Variants in EVA1C observed in about 807,000 individuals in gnomAD.
The protein encoded by EVA1C is protein eva-1 homolog C.
In EVA1C, 25 loss-of-function variants were observed where a neutral mutation model predicts 45.4. That is an observed-to-expected ratio of 0.55 (90% confidence interval 0.40 to 0.77). The LOEUF is 0.77. EVA1C is among the 30% of genes least tolerant of loss of function. The pLI is 0.00. For synonymous variants in EVA1C, 190 were observed against 221.2 expected, an observed-to-expected ratio of 0.86 and a Z score of 1.25; for missense variants, 479 against 554.8, an observed-to-expected ratio of 0.86 and a Z score of 1.37.
At position 32,503,872 on chromosome 21, in the gene EVA1C, T is replaced by A; in HGVS notation, c.860-54T>A. ...TAGGAGCAGCAGGGGTGTCTTAGAA[T>A]AGGCGTACTATGAACAGCTGTGATT... On this transcript the variant is annotated intron_variant, in intron 6 of 7. Transcript: ENST00000300255. The A allele has an allele frequency of 2.3e-6, 3 of 1,277,804 alleles. No homozygotes were observed. The East Asian group carries it at 7.2e-5, about 31-fold the overall frequency. The allele number at this position is 1,277,804 out of a possible 1,614,324, so 79.2% of individuals were successfully genotyped here.
intron 7 of EVA1C, among the ~76,000 whole-genome samples, chr21:32,505,803 A>G (rs549102227): frequency 4.6e-5 from 7 of 152,244 alleles, no homozygotes; most frequent in Admixed American, 3.9e-4. Flanking sequence ...CACCAATTCT[A>G]TCAGATTAGG....
intron 2 of EVA1C, among the ~76,000 whole-genome samples, chr21:32,457,211 T>G (rs139038958): frequency 6.6e-6 from 1 of 152,322 alleles, no homozygotes; most frequent in Non-Finnish European, 1.5e-5. Context: ...TCTCTCAGCT[T>G]AAAGCTAGGG....
intron 5 of EVA1C, among the ~76,000 whole-genome samples, chr21:32,498,176 G>A (rs2037413366): frequency 1.3e-5 from 2 of 152,218 alleles, no homozygotes; most frequent in African/African-American, 4.8e-5. Flanking sequence ...GCCAGGTGCG[G>A]TGGCTCACGC....
At chr21:32,506,379 A>AAATAT (rs1278020447) in intron 7 of EVA1C, among the ~76,000 whole-genome samples, 1 of 150,744 alleles carries the variant, frequency 6.6e-6, no homozygotes, top group Non-Finnish European at 1.5e-5. Flanking sequence ...TATTTATAAG[A>AAATAT]TGTCCATTTT....
chr21:32,463,253 G>A (rs879709821), intron 3 of EVA1C, among the ~76,000 whole-genome samples: 12 of 152,266 alleles, frequency 7.9e-5, no homozygotes, highest in Non-Finnish European at 1.5e-4. Flanking sequence ...CAGAGTCGTG[G>A]TTCTACCTTC....
At chr21:32,433,425 C>T (rs1157604137) in intron 1 of EVA1C, 1 of 152,520 alleles carries the variant, frequency 6.6e-6, no homozygotes, top group Non-Finnish European at 1.5e-5. Context: ...CCGTCTGCCT[C>T]GCTGCCATCA....
Position 32,474,138 on chromosome 21 carries a change from T to A in EVA1C, c.634+6290T>A. On this transcript the variant is annotated intron_variant, in intron 4 of 7. Coordinates refer to ENST00000300255, the MANE Select transcript of EVA1C (RefSeq NM_058187.5). This position sits in a 1 kb window ranked among gnomAD's most constrained non-coding sequence, Gnocchi z 4.4. The stretch of plus-strand genomic sequence containing the variant: ...TATTTTGCCCAGGCTGGTCTTCAAC[T>A]CCTGGCCTCAAGTGATCCTCCCGCC... 1 of 177,002 alleles carries A rather than the reference T, an allele frequency of 5.6e-6. No homozygotes were observed. Among genetic ancestry groups the A allele is most frequent in the Non-Finnish European group, 1.1e-5 (1 of 90,706 alleles). 11.0% of individuals were successfully genotyped at this position (177,002 alleles called of 1,614,324 possible). A position where few individuals can be genotyped will look rare whatever the true frequency, so the allele number is the denominator to read the frequency against.
intron 1 of EVA1C, among the ~76,000 whole-genome samples, chr21:32,450,227 G>A (rs1480967126): frequency 6.6e-6 from 1 of 152,154 alleles, no homozygotes; most frequent in Non-Finnish European, 1.5e-5. Context: ...AGCGGGGATA[G>A]ACTATGTGAC....
chr21:32,430,025 C>T (rs964653060), intron 1 of EVA1C, among the ~76,000 whole-genome samples: 7 of 152,106 alleles, frequency 4.6e-5, no homozygotes, highest in African/African-American at 9.7e-5. Flanking sequence ...CCTGAGGCCA[C>T]GACTCTGGGC....
chr21:32,444,679 T>C (rs2035304074), intron 1 of EVA1C, among the ~76,000 whole-genome samples: 1 of 152,176 alleles, frequency 6.6e-6, no homozygotes, highest in East Asian at 1.9e-4. Context: ...GTGACCAATA[T>C]AACCTTCAGT....
intron 1 of EVA1C, among the ~76,000 whole-genome samples, chr21:32,426,864 G>A (rs1004258669): frequency 4.6e-5 from 7 of 152,108 alleles, no homozygotes; most frequent in Non-Finnish European, 1.0e-4. Flanking sequence ...TTGTTTCCAA[G>A]AGAGCGAGCA....
At chr21:32,509,749 T>C (rs1235694607) in intron 7 of EVA1C, among the ~76,000 whole-genome samples, 2 of 150,462 alleles carry the variant, frequency 1.3e-5, no homozygotes, top group Non-Finnish European at 2.9e-5. Flanking sequence ...TGAGACTAAA[T>C]GACAGGGGAC....
In EVA1C at chr21:32,412,932, C is replaced by A; in HGVS notation, c.79C>A (p.Pro27Thr). The change falls in exon 1 of 8, where the codon CCG becomes ACG. Residue 27 changes from proline to threonine, a missense_variant. Around this residue, in one of 3 missense-constraint regions of EVA1C, gnomAD observed 80 missense variants for 63.8 expected, o/e 1.25. Coordinates refer to ENST00000300255, the MANE Select transcript of EVA1C (RefSeq NM_058187.5). ...QHPGLRRQVE[P>T]PGQLLRLFYC... ...TCCCGGCCTCCGCCGGCAGGTAGAG[C>A]CGCCGGGGCAGCTCCTGCGCCTCTT... 6.5e-7 allele frequency: 1 copy of A among 1,533,166 alleles called. No homozygotes were observed. The highest frequency in any genetic ancestry group is 8.8e-7 in the Non-Finnish European group (1 of 1,142,176). 95.0% of individuals were successfully genotyped at this position (1,533,166 alleles called of 1,614,324 possible).
Position 32,453,403 on chromosome 21 carries a change from T to C in EVA1C, c.252T>C (p.Ser84=). ...NLQCPRHSTI[S]VQSAFYGQDY... ...AGTGCCCTCGGCATTCTACGATAAG[T>C]GTCCAATCGGCATTTTATGGGCAAG... The change falls in exon 2 of 8, where the codon AGT becomes AGC. Residue 84 remains serine, a synonymous_variant. Coordinates refer to ENST00000300255, the MANE Select transcript of EVA1C (RefSeq NM_058187.5). 2 of 1,611,662 alleles carry C rather than the reference T, an allele frequency of 1.2e-6. No individual in the cohort carries two copies. The highest frequency in any genetic ancestry group is 1.7e-6 in the Non-Finnish European group (2 of 1,179,554).
intron 3 of EVA1C, among the ~76,000 whole-genome samples, chr21:32,466,529 C>T (rs1176198302): frequency 4.0e-5 from 6 of 151,546 alleles, no homozygotes; most frequent in South Asian, 2.1e-4. Context: ...CAACAGTGCA[C>T]GCATAATGCC....
At chr21:32,506,781 C>T (rs1393066885) in intron 7 of EVA1C, among the ~76,000 whole-genome samples, 1 of 152,194 alleles carries the variant, frequency 6.6e-6, no homozygotes, top group Non-Finnish European at 1.5e-5. Context: ...CAGCCAATGT[C>T]ACACAGTGCT....
intron 2 of EVA1C, among the ~76,000 whole-genome samples, chr21:32,454,436 C>A (rs10854359): frequency 6.6e-6 from 1 of 151,882 alleles, no homozygotes; most frequent in Non-Finnish European, 1.5e-5. Context: ...TTGTGGTTGG[C>A]ATATTTAGGG....
intron 1 of EVA1C, among the ~76,000 whole-genome samples, chr21:32,426,241 A>G (rs2034482710): frequency 6.6e-6 from 1 of 152,110 alleles, no homozygotes; most frequent in African/African-American, 2.4e-5. Context: ...ATTAACGTCA[A>G]AGTGAAATAT....
intron 1 of EVA1C, among the ~76,000 whole-genome samples, chr21:32,414,028 T>A (rs1215261869): frequency 2.0e-5 from 3 of 152,234 alleles, no homozygotes; most frequent in Non-Finnish European, 4.4e-5. Flanking sequence ...GTTTGTGCAG[T>A]AGGCTAGTAC....
Sources: gnomAD v4.1 joint callset for allele counts (sites outside exome capture counted in the v4.1 genomes callset) on GRCh38, gnomAD v4.1.1 for gene constraint, gnomAD v4.1.1 regional missense constraint, Gnocchi (gnomAD v3.1) non-coding constraint, MANE v1.5 for transcripts, NCBI Gene and HGNC (gene_info 2026-07-23, HGNC 2026-07-21) for gene names.